Variants in SPRED1 observed in about 807,000 individuals in gnomAD.
SPRED1 encodes sprouty-related, EVH1 domain-containing protein 1.
In SPRED1, 18 loss-of-function variants were observed where a neutral mutation model predicts 52.3. The ratio of observed to expected loss-of-function variants is 0.34; its 90% confidence interval spans 0.24 to 0.51. SPRED1 has a LOEUF of 0.51. SPRED1 is among the 20% of genes least tolerant of loss of function. SPRED1 has a pLI of 0.97. For missense variants in SPRED1, 485 were observed against 551.0 expected (o/e 0.88, Z 1.20); for synonymous variants, 155 against 179.7 (o/e 0.86, Z 1.10).
In SPRED1 at chr15:38,331,672, C is replaced by T. The variant is rs144143434; in HGVS notation, c.423+6863C>T. 4.9e-4 allele frequency among the ~76,000 whole-genome samples: 75 copies of T among 151,904 alleles called. 1 individual carries two copies. Among genetic ancestry groups the T allele is most frequent in the African/African-American group, 1.5e-3 (63 of 41,462 alleles). On this transcript the variant is annotated intron_variant, in intron 4 of 6. Transcript: ENST00000299084. The stretch of plus-strand genomic sequence containing the variant: ...TTGTATTATATTATATTATATCATA[C>T]GCATTTATACTTAGGTTGAACATCC...
chr15:38,316,748 G>GGTTTTT lies in SPRED1; in HGVS notation c.208-5493_208-5492insGTTTTT. On this transcript the variant is annotated intron_variant, in intron 2 of 6. Transcript: ENST00000299084. ...TCTAGTTTACAATTTTCCATTATATGTTTTTTTTTTTTTTTTTTTTTTTTG... is the reference window on the plus strand; with the variant it reads ...TCTAGTTTACAATTTTCCATTATATGGTTTTTTTTTTTTTTTTTTTTTTTTTTTTTG... Among the ~76,000 whole-genome samples the GGTTTTT allele has an allele frequency of 3.5e-3, 147 of 41,796 alleles. 10 individuals are homozygous for GGTTTTT. Among genetic ancestry groups the GGTTTTT allele is most frequent in the East Asian group, 6.1e-3 (4 of 654 alleles). The allele number at this position is 41,796 out of a possible 152,430, so 27.4% of individuals were successfully genotyped here.
chr15:38,340,162 C>G (rs1896000893), intron 5 of SPRED1, among the ~76,000 whole-genome samples: 1 of 152,174 alleles, frequency 6.6e-6, no homozygotes, highest in African/African-American at 2.4e-5. Flanking sequence ...CCTTATCTCA[C>G]AGGAAAGCTT....
At chr15:38,317,655 A>T (rs905453824) in intron 2 of SPRED1, among the ~76,000 whole-genome samples, 8 of 151,994 alleles carry the variant, frequency 5.3e-5, no homozygotes, top group Non-Finnish European at 1.0e-4. Context: ...GATATAGTTG[A>T]GAAGGGACGT....
chr15:38,270,701 G>C (rs1377271745), intron 1 of SPRED1, among the ~76,000 whole-genome samples: 1 of 152,092 alleles, frequency 6.6e-6, no homozygotes, highest in African/African-American at 2.4e-5. Flanking sequence ...TTACATACTC[G>C]ACCTGAGATT....
intron 1 of SPRED1, among the ~76,000 whole-genome samples, chr15:38,277,908 CT>C (rs34918769): frequency 0.83 from 124,190 of 150,086 alleles, 51,898 homozygotes; most frequent in Non-Finnish European, 0.9. Context: ...TCATGTATGT[CT>C]TTTTTTTTTT....
At position 38,252,894 on chromosome 15, in the gene SPRED1, C is replaced by T. The variant is rs1566844225; in HGVS notation, c.-292C>T. On this transcript the variant is annotated 5_prime_UTR_variant, in exon 1 of 7. Transcript: ENST00000299084. Reference sequence around the variant, plus strand: ...TCTCCAGTCAGCCTTTGCAGCCCCTCTCTTTTTCCCTTTCCACCGGGCCTC... The same window carrying T: ...TCTCCAGTCAGCCTTTGCAGCCCCTTTCTTTTTCCCTTTCCACCGGGCCTC... 3.8e-6 allele frequency: 2 copies of T among 527,162 alleles called. No individual in the cohort carries two copies. The highest frequency in any genetic ancestry group is 1.9e-5 in the African/African-American group (1 of 51,570). 32.7% of individuals were successfully genotyped at this position (527,162 alleles called of 1,614,324 possible).
chr15:38,257,841 G>A (rs1357383), intron 1 of SPRED1, among the ~76,000 whole-genome samples: 125,588 of 152,210 alleles, frequency 0.83, 52,585 homozygotes, highest in Non-Finnish European at 0.9. Context: ...AGCAGATTCC[G>A]TGATTTTATA....
intron 2 of SPRED1, among the ~76,000 whole-genome samples, chr15:38,316,796 C>T (rs1895497199): frequency 1.2e-5 from 1 of 84,030 alleles, no homozygotes; most frequent in Non-Finnish European, 2.3e-5. Context: ...ATTTCTAATC[C>T]CTGTGCATTT....
At chr15:38,296,239 A>G (rs949062641) in intron 1 of SPRED1, among the ~76,000 whole-genome samples, 9 of 152,162 alleles carry the variant, frequency 5.9e-5, no homozygotes, top group Admixed American at 2.0e-4. Flanking sequence ...AAAAGAAACT[A>G]AAAAAGCAGG....
chr15:38,285,583 A>G (rs1398538721), intron 1 of SPRED1, among the ~76,000 whole-genome samples: 1 of 152,182 alleles, frequency 6.6e-6, no homozygotes, highest in Non-Finnish European at 1.5e-5. Context: ...TTTGGCTGGA[A>G]CAGGGAATGG....
chr15:38,330,321 A>G (rs111267234), intron 4 of SPRED1, among the ~76,000 whole-genome samples: 145 of 152,290 alleles, frequency 9.5e-4, no homozygotes, highest in African/African-American at 3.2e-3. Flanking sequence ...CAGGTTGCTT[A>G]AAGAAAATGC....
chr15:38,341,611 A>G (rs1303788205), intron 5 of SPRED1, among the ~76,000 whole-genome samples: 2 of 152,138 alleles, frequency 1.3e-5, no homozygotes, highest in African/African-American at 4.8e-5. Context: ...TGGCAAAATG[A>G]TGATATGCCC....
intron 1 of SPRED1, 105 bp downstream of exon 1, chr15:38,253,322 GGA>G: frequency 9.1e-7 from 1 of 1,101,202 alleles, no homozygotes; most frequent in Non-Finnish European, 1.4e-6. Context: ...TTGCGACCCT[GGA>G]GAGTTCGGTG....
intron 1 of SPRED1, among the ~76,000 whole-genome samples, chr15:38,269,867 T>C (rs1488726569): frequency 3.3e-5 from 5 of 151,846 alleles, no homozygotes; most frequent in African/African-American, 7.3e-5. Context: ...TGTTGACTGC[T>C]GTATTGGATG....
intron 4 of SPRED1, among the ~76,000 whole-genome samples, chr15:38,335,198 A>G (rs1895887716): frequency 6.6e-6 from 1 of 152,062 alleles, no homozygotes; most frequent in African/African-American, 2.4e-5. Flanking sequence ...GTACCTTGCA[A>G]AAGAGTTCCT....
chr15:38,350,870 A>C, intron 6 of SPRED1, 144 bp from the exon 7 acceptor site: 1 of 853,640 alleles, frequency 1.2e-6, no homozygotes. Flanking sequence ...CCACCAACTG[A>C]AATGTTGATC....
rs147545434 is a variant in SPRED1, at chr15:38,288,180, G to A, written c.33-11193G>A. ...AAATTACCTGATCACAAGGGTCAGGGATAAATGAATATTGGTGGAAGACGG... is the reference window on the plus strand; with the variant it reads ...AAATTACCTGATCACAAGGGTCAGGAATAAATGAATATTGGTGGAAGACGG... On this transcript the variant is annotated intron_variant, in intron 1 of 6. Transcript: ENST00000299084. 6.7e-3 allele frequency among the ~76,000 whole-genome samples: 1,019 copies of A among 152,258 alleles called. 2 individuals are homozygous for A. The highest frequency in any genetic ancestry group is 0.01 in the Non-Finnish European group (699 of 68,016).
At position 38,339,740 on chromosome 15, in the gene SPRED1, A is replaced by G; in HGVS notation, c.427A>G (p.Asn143Asp). The change falls in exon 5 of 7, where the codon AAT becomes GAT. Residue 143 changes from asparagine to aspartate, a missense_variant. Coordinates refer to ENST00000299084, the MANE Select transcript of SPRED1 (RefSeq NM_152594.3). ...EAEGADDLQANEEDSSSSLVK... is the reference protein window; with the variant it reads ...EAEGADDLQADEEDSSSSLVK... Reference sequence around the variant, plus strand: ...CATTGAGGGTTGTTCCCAATAGGCAAATGAAGAGGATTCTTCCAGTTCTCT... The same window carrying G: ...CATTGAGGGTTGTTCCCAATAGGCAGATGAAGAGGATTCTTCCAGTTCTCT... 1 of 1,613,758 alleles carries G rather than the reference A, an allele frequency of 6.2e-7. No individual in the cohort carries two copies. The highest frequency in any genetic ancestry group is 8.5e-7 in the Non-Finnish European group (1 of 1,179,824).
At position 38,320,656 on chromosome 15, in the gene SPRED1, C is replaced by T. The variant is rs539887787; in HGVS notation, c.208-1585C>T. ...GAGGTAATGAAAATACAACCTTTCA[C>T]CAAATACCAGCTGAGCATTTATTAT... is the stretch of plus-strand genomic sequence containing the variant. On this transcript the variant is annotated intron_variant, in intron 2 of 6. Transcript: ENST00000299084. Among the ~76,000 whole-genome samples the T allele has an allele frequency of 5.3e-5, 8 of 152,098 alleles. No individual in the cohort carries two copies. The South Asian group carries it at 1.7e-3, about 32-fold the overall frequency.
Sources: allele counts gnomAD v4.1 joint callset (sites outside exome capture counted in the v4.1 genomes callset), GRCh38; gene constraint gnomAD v4.1.1; transcripts MANE v1.5; gene names NCBI Gene and HGNC (gene_info 2026-07-23, HGNC 2026-07-21).